GUCY1A2: variants seen among roughly 807,000 people sequenced by gnomAD.
The protein encoded by GUCY1A2 is guanylate cyclase 1 soluble subunit alpha 2, also known as guanylate cyclase soluble subunit alpha-2.
GUCY1A2 carries 27 observed loss-of-function variants against 63.5 expected under a neutral mutation model. The ratio of observed to expected loss-of-function variants is 0.43; its 90% CI spans 0.31 to 0.59. The LOEUF is 0.59. Among genes scored for constraint, GUCY1A2 ranks in the 20% least tolerant of loss-of-function variants. The pLI is 0.11. For missense variants in GUCY1A2, 768 were observed against 913.3 expected (o/e 0.84, Z 2.05); for synonymous variants, 364 against 343.5 (o/e 1.06, Z -0.66).
intron 4 of GUCY1A2, among the ~76,000 whole-genome samples, chr11:106,839,159 G>A (rs1358152003): frequency 6.6e-6 from 1 of 151,968 alleles, no homozygotes; most frequent in Non-Finnish European, 1.5e-5. Flanking sequence ...TGTATAAGGT[G>A]TAAGGAAGGG....
At chr11:106,762,528 C>CAAAG (rs918183027) in intron 6 of GUCY1A2, among the ~76,000 whole-genome samples, 5 of 151,928 alleles carry the variant, frequency 3.3e-5, no homozygotes, top group Non-Finnish European at 5.9e-5. Context: ...CAAAGGAGTA[C>CAAAG]AAAGATTGAA....
intron 5 of GUCY1A2, among the ~76,000 whole-genome samples, chr11:106,777,833 T>A (rs1213267140): frequency 1.3e-5 from 2 of 151,940 alleles, no homozygotes; most frequent in Admixed American, 6.6e-5. Flanking sequence ...GTATAATTTT[T>A]AAAAAAAGGA....
rs538121237 is a variant in GUCY1A2 at position 106,918,781 on chromosome 11, A to G, written c.1206+20679T>C. On this transcript the variant is annotated intron_variant, in intron 4 of 7. Coordinates refer to ENST00000526355, the MANE Select transcript of GUCY1A2 (RefSeq NM_000855.3). ...AGCTTTTTATCTTTCTTTCCAGTCA[A>G]TGAATTACAAGGTAGTTACCCACTC... 2.9e-4 allele frequency among the ~76,000 whole-genome samples: 43 copies of G among 150,490 alleles called. 1 individual carries two copies. The highest frequency in any genetic ancestry group is 1.0e-3 in the African/African-American group (42 of 41,452).
chr11:106,860,186 C>T (rs914495181), intron 4 of GUCY1A2, among the ~76,000 whole-genome samples: 6 of 151,826 alleles, frequency 4.0e-5, no homozygotes, highest in African/African-American at 1.4e-4. Context: ...TTAAAAAGAG[C>T]TAATAATGTA....
chr11:106,977,780 A>C (rs921171747), intron 3 of GUCY1A2, among the ~76,000 whole-genome samples: 2 of 152,180 alleles, frequency 1.3e-5, no homozygotes, highest in African/African-American at 4.8e-5. Flanking sequence ...TTCTGTGTGG[A>C]GTCGCTCACT....
intron 4 of GUCY1A2, among the ~76,000 whole-genome samples, chr11:106,844,368 G>C (rs1000910509): frequency 6.6e-6 from 1 of 151,722 alleles, no homozygotes; most frequent in Non-Finnish European, 1.5e-5. Flanking sequence ...TTCGGAATAT[G>C]TGCAATACCT....
chr11:106,823,951 C>A, intron 4 of GUCY1A2: 1 of 494,984 alleles, frequency 2.0e-6, no homozygotes, highest in Non-Finnish European at 3.3e-6. Flanking sequence ...TTTATTATTT[C>A]AAGTCAATGT....
At chr11:106,803,592 G>A (rs574766740) in intron 5 of GUCY1A2, among the ~76,000 whole-genome samples, 38 of 152,222 alleles carry the variant, frequency 2.5e-4, no homozygotes, top group African/African-American at 9.1e-4. Flanking sequence ...TGTTTGGAAA[G>A]TAATAATAGC....
chr11:106,749,955 G>A lies in GUCY1A2; in HGVS notation c.1836+26484C>T, dbSNP rs578061125. On this transcript the variant is annotated intron_variant, in intron 6 of 7. Coordinates refer to ENST00000526355, the MANE Select transcript of GUCY1A2 (RefSeq NM_000855.3). ...AACAATTGGATCTATGTATACATAG[G>A]AGAGAGTTTATTAGGGAGAATTGGA... Among the ~76,000 whole-genome samples, 218 of 152,202 alleles carry A rather than the reference G, an allele frequency of 1.4e-3. 1 individual carries two copies. Among genetic ancestry groups the A allele is most frequent in the Non-Finnish European group, 2.6e-3 (180 of 68,016 alleles).
intron 6 of GUCY1A2, among the ~76,000 whole-genome samples, chr11:106,717,192 G>A (rs1863231656): frequency 6.6e-6 from 1 of 152,208 alleles, no homozygotes; most frequent in African/African-American, 2.4e-5. Flanking sequence ...TACTCTAGCT[G>A]TGTGAATTTT....
intron 5 of GUCY1A2, among the ~76,000 whole-genome samples, chr11:106,807,208 TGTG>T (rs1203640378): frequency 2.6e-5 from 4 of 152,194 alleles, no homozygotes; most frequent in Non-Finnish European, 5.9e-5. Context: ...AAATAAGACT[TGTG>T]GTCCTTACAA....
At chr11:106,878,703 A>C (rs1332357486) in intron 4 of GUCY1A2, among the ~76,000 whole-genome samples, 4 of 151,634 alleles carry the variant, frequency 2.6e-5, no homozygotes, top group Non-Finnish European at 5.9e-5. Flanking sequence ...GGTCAAGAAA[A>C]TAATCTGTAC....
At chr11:106,695,450 C>G (rs1862701223) in intron 7 of GUCY1A2, among the ~76,000 whole-genome samples, 2 of 152,124 alleles carry the variant, frequency 1.3e-5, no homozygotes, top group Admixed American at 1.3e-4. Context: ...TTGGGCACTG[C>G]ATTTTTGGGT....
At chr11:106,983,531 C>T (rs1252207279) in intron 2 of GUCY1A2, among the ~76,000 whole-genome samples, 6 of 152,050 alleles carry the variant, frequency 3.9e-5, no homozygotes, top group African/African-American at 9.7e-5. Flanking sequence ...TATAAGAATC[C>T]AAGGAGCAGA....
chr11:106,852,380 C>T (rs7951200), intron 4 of GUCY1A2, among the ~76,000 whole-genome samples: 138,541 of 152,160 alleles, frequency 0.91, 63,146 homozygotes, highest in East Asian at 1. Context: ...GACATCTTTG[C>T]CTTGTCTCAG....
At chr11:106,878,001 T>C (rs1859773489) in intron 4 of GUCY1A2, among the ~76,000 whole-genome samples, 1 of 151,862 alleles carries the variant, frequency 6.6e-6, no homozygotes, top group African/African-American at 2.4e-5. Context: ...AAAAAAGGTA[T>C]ACAAGCAGCT....
At chr11:106,825,407 T>C (rs532586482) in intron 4 of GUCY1A2, among the ~76,000 whole-genome samples, 41 of 150,964 alleles carry the variant, frequency 2.7e-4, no homozygotes, top group African/African-American at 1.0e-3. Flanking sequence ...AGAATTGTCT[T>C]GGGCCTCACA....
intron 7 of GUCY1A2, among the ~76,000 whole-genome samples, chr11:106,705,403 A>C (rs1026808665): frequency 4.6e-5 from 7 of 152,214 alleles, no homozygotes; most frequent in African/African-American, 1.7e-4. Context: ...TTTCCAAAGA[A>C]AGATGCTCCA....
At chr11:106,990,277 G>A (rs558429312) in intron 1 of GUCY1A2, among the ~76,000 whole-genome samples, 1 of 152,126 alleles carries the variant, frequency 6.6e-6, no homozygotes, top group Admixed American at 6.5e-5. Flanking sequence ...TCATATGGCG[G>A]CAAAAAGCCA....
Sources: allele counts gnomAD v4.1 joint callset (sites outside exome capture counted in the v4.1 genomes callset), GRCh38; gene constraint gnomAD v4.1.1; transcripts MANE v1.5; gene names NCBI Gene and HGNC (gene_info 2026-07-23, HGNC 2026-07-21).